The following ROBO1 variants were observed in gnomAD, a reference collection of about 807,000 sequenced individuals.
ROBO1 encodes the protein roundabout homolog 1.
ROBO1 carries 149 observed loss-of-function variants against 195.9 expected under a neutral mutation model. The observed-to-expected ratio is 0.76, with a 90% CI of 0.67 to 0.87. The LOEUF (loss-of-function observed/expected upper bound fraction) is 0.87, where lower values mean the gene tolerates loss of function less well. Among genes scored for constraint, ROBO1 ranks in the 40% least tolerant of loss-of-function variants. The pLI, the probability that ROBO1 is intolerant of heterozygous loss-of-function variation, is 0.00. For missense variants in ROBO1, 1,933 were observed against 2,068.3 expected, an observed-to-expected ratio of 0.93 and a Z score of 1.27; for synonymous variants, 816 against 733.2, an observed-to-expected ratio of 1.11 and a Z score of -1.82.
rs565373366 is a variant in ROBO1 at position 78,956,401 on chromosome 3, A to G, written c.173-17474T>C. On this transcript the variant is annotated intron_variant, in intron 3 of 30. Coordinates refer to ENST00000464233, the MANE Select transcript of ROBO1 (RefSeq NM_002941.4). ...TTTTGTATTTTAACGCAACTTTGAAAGGGAAATCTATTACTTAAACTATCT... is the reference window on the plus strand; with the variant it reads ...TTTTGTATTTTAACGCAACTTTGAAGGGGAAATCTATTACTTAAACTATCT... 3.9e-5 allele frequency among the ~76,000 whole-genome samples: 6 copies of G among 152,284 alleles called. No individual in the cohort carries two copies. In the East Asian group the frequency reaches 9.6e-4, roughly 24 times the overall value.
chr3:79,492,963 T>C (rs1406862461), intron 2 of ROBO1, among the ~76,000 whole-genome samples: 1 of 152,118 alleles, frequency 6.6e-6, no homozygotes, highest in African/African-American at 2.4e-5. Context: ...GTCAACACTG[T>C]ATTACTTTTA....
chr3:78,772,883 G>A (rs1559840137), intron 4 of ROBO1, among the ~76,000 whole-genome samples: 1 of 152,038 alleles, frequency 6.6e-6, no homozygotes, highest in East Asian at 1.9e-4. Context: ...TTATATGGGT[G>A]AACCAGGATT....
chr3:79,182,292 A>G (rs2081354960), intron 2 of ROBO1, among the ~76,000 whole-genome samples: 1 of 152,134 alleles, frequency 6.6e-6, no homozygotes, highest in African/African-American at 2.4e-5. Flanking sequence ...GTGGAGACAG[A>G]TTCCACAGCT....
intron 2 of ROBO1, among the ~76,000 whole-genome samples, chr3:79,335,878 G>A (rs2034644879): frequency 6.6e-6 from 1 of 152,212 alleles, no homozygotes; most frequent in South Asian, 2.1e-4. Flanking sequence ...CCAAAATGCT[G>A]ATAGTGATAT....
intron 2 of ROBO1, among the ~76,000 whole-genome samples, chr3:79,316,776 T>G: frequency 6.6e-6 from 1 of 152,154 alleles, no homozygotes; most frequent in East Asian, 1.9e-4. Flanking sequence ...TTTTGTATTT[T>G]GATTATTCTT....
At chr3:79,236,528 T>TA (rs2082409916) in intron 2 of ROBO1, among the ~76,000 whole-genome samples, 1 of 152,210 alleles carries the variant, frequency 6.6e-6, no homozygotes, top group Admixed American at 6.5e-5. Context: ...TCCAACAACT[T>TA]AAAGTCTTTT....
chr3:78,856,544 T>C (rs2106929849), intron 4 of ROBO1, among the ~76,000 whole-genome samples: 1 of 151,980 alleles, frequency 6.6e-6, no homozygotes, highest in South Asian at 2.1e-4. Context: ...ATTTAGCGTA[T>C]AACCAATAAT....
intron 2 of ROBO1, among the ~76,000 whole-genome samples, chr3:79,341,003 T>C (rs1016027449): frequency 6.6e-6 from 1 of 152,226 alleles, no homozygotes; most frequent in Non-Finnish European, 1.5e-5. Context: ...TACAAATTCT[T>C]TAGTAATTTT....
chr3:79,606,867 A>C (rs900093136), intron 1 of ROBO1, among the ~76,000 whole-genome samples: 41 of 151,942 alleles, frequency 2.7e-4, no homozygotes, highest in African/African-American at 8.9e-4. Context: ...TCCTGAAATA[A>C]ATTTTTGAAG....
intron 3 of ROBO1, among the ~76,000 whole-genome samples, chr3:79,101,830 G>A (rs572623771): frequency 4.5e-4 from 69 of 151,992 alleles, no homozygotes; most frequent in Admixed American, 1.4e-3. Context: ...ACATTTTAGA[G>A]GAGCACAGAT....
intron 4 of ROBO1, among the ~76,000 whole-genome samples, chr3:78,916,346 ACT>A (rs1263349037): frequency 4.6e-5 from 7 of 151,682 alleles, no homozygotes; most frequent in Non-Finnish European, 1.0e-4. Flanking sequence ...TGAGGTCAAA[ACT>A]CGAGACCAGC....
chr3:79,680,335 C>A (rs537282605), intron 1 of ROBO1, among the ~76,000 whole-genome samples: 2 of 151,910 alleles, frequency 1.3e-5, no homozygotes, highest in Admixed American at 1.3e-4. Context: ...CTAGTGACTA[C>A]GAGACAGTCA....
At chr3:79,709,852 C>T (rs1400295612) in intron 1 of ROBO1, among the ~76,000 whole-genome samples, 4 of 152,086 alleles carry the variant, frequency 2.6e-5, no homozygotes, top group African/African-American at 7.2e-5. Flanking sequence ...CTGCCTTGCC[C>T]GTTTATTACA....
At chr3:79,606,761 C>T (rs926491421) in intron 1 of ROBO1, among the ~76,000 whole-genome samples, 2 of 148,474 alleles carry the variant, frequency 1.3e-5, no homozygotes, top group Non-Finnish European at 3.0e-5. Flanking sequence ...TGTGTTTATT[C>T]ATTTTATTAT....
chr3:79,668,644 C>T (rs1946541622), intron 1 of ROBO1, among the ~76,000 whole-genome samples: 1 of 151,544 alleles, frequency 6.6e-6, no homozygotes, highest in African/African-American at 2.4e-5. Flanking sequence ...AAATAAGCAA[C>T]TCAAAGAAAT....
intron 2 of ROBO1, among the ~76,000 whole-genome samples, chr3:79,569,374 G>A (rs894740194): frequency 2.0e-5 from 3 of 152,064 alleles, no homozygotes; most frequent in Non-Finnish European, 4.4e-5. Context: ...TATTTCCACA[G>A]GCTAAAACTT....
At chr3:78,633,859 T>C in intron 24 of ROBO1, 76 bp downstream of exon 24, 1 of 919,714 alleles carries the variant, frequency 1.1e-6, no homozygotes, top group South Asian at 1.5e-5. Flanking sequence ...CATACGTCAG[T>C]CCATTAGCAC....
intron 2 of ROBO1, among the ~76,000 whole-genome samples, chr3:79,182,039 T>C (rs1400602097): frequency 3.3e-5 from 5 of 151,964 alleles, no homozygotes; most frequent in Non-Finnish European, 5.9e-5. Context: ...AGGTCAGTTG[T>C]ATAATTTCTT....
chr3:79,195,426 TA>T (rs1160760925), intron 2 of ROBO1, among the ~76,000 whole-genome samples: 1 of 151,520 alleles, frequency 6.6e-6, no homozygotes, highest in Non-Finnish European at 1.5e-5. Context: ...ATGTTATAAA[TA>T]AAAAATTAAT....
Sources: gnomAD v4.1 joint callset for allele counts (sites outside exome capture counted in the v4.1 genomes callset) on GRCh38, gnomAD v4.1.1 for gene constraint, MANE v1.5 for transcripts, NCBI Gene and HGNC (gene_info 2026-07-23, HGNC 2026-07-21) for gene names.